Variants in PLD5 observed in about 807,000 individuals in gnomAD.
PLD5 encodes the protein phospholipase D family member 5.
In PLD5, 36 loss-of-function variants were observed where a neutral mutation model predicts 61.1. The observed-to-expected ratio is 0.59, with a 90% CI of 0.45 to 0.78. PLD5 has a LOEUF of 0.78. PLD5 is among the 30% of genes least tolerant of loss of function. The pLI is 0.00. For missense variants in PLD5, 515 were observed against 644.4 expected (o/e 0.80, Z 2.17); for synonymous variants, 243 against 242.8 (o/e 1.00, Z -0.01).
At chr1:242,094,123 C>CA (rs1558211723) in intron 9 of PLD5, among the ~76,000 whole-genome samples, 2 of 146,484 alleles carry the variant, frequency 1.4e-5, no homozygotes, top group African/African-American at 5.0e-5. Flanking sequence ...TTTCATCCAG[C>CA]TTTTTTTTTT....
chr1:242,325,935 T>G (rs1658746624), intron 2 of PLD5, among the ~76,000 whole-genome samples: 1 of 152,208 alleles, frequency 6.6e-6, no homozygotes, highest in Admixed American at 6.5e-5. Context: ...TCACCCAGCC[T>G]GTAGTGCAGT....
chr1:242,220,105 C>T lies in PLD5; in HGVS notation c.618G>A (p.Val206=). The part of the protein sequence containing the change: ...LEALKLKGAE[V]TYMNMTAYNK... ...TGTAAGCGGTCATGTTCATGTACGTCACCTCGGCTCCTAGGAGTTCAAGGA... is the reference window on the plus strand; with the variant it reads ...TGTAAGCGGTCATGTTCATGTACGTTACCTCGGCTCCTAGGAGTTCAAGGA... Residue 206 remains valine, a synonymous_variant, in exon 5 of 10, where the codon GTG becomes GTA. Transcript: ENST00000536534. The T allele has an allele frequency of 6.2e-7, 1 of 1,614,150 alleles. No homozygotes were observed. The highest frequency in any genetic ancestry group is 8.5e-7 in the Non-Finnish European group (1 of 1,180,008).
intron 4 of PLD5, 92 bp from the exon 5 acceptor site, chr1:242,220,207 A>G: frequency 6.7e-7 from 1 of 1,486,340 alleles, no homozygotes; most frequent in Non-Finnish European, 9.3e-7. Context: ...ATGGTTCACC[A>G]TTTGTCCCAA....
At chr1:242,160,872 G>A (rs928072647) in intron 5 of PLD5, among the ~76,000 whole-genome samples, 5 of 151,900 alleles carry the variant, frequency 3.3e-5, no homozygotes, top group East Asian at 1.9e-4. Context: ...GCAACAGAGT[G>A]AGAATCCATC....
chr1:242,348,266 GAAA>G (rs1660254370), intron 1 of PLD5, 24 bp from the exon 2 acceptor site: 3 of 971,330 alleles, frequency 3.1e-6, no homozygotes, highest in Admixed American at 2.6e-5. Flanking sequence ...CAAAGACAAA[GAAA>G]AGTAAGTGGT....
At chr1:242,232,824 C>G (rs984215102) in intron 4 of PLD5, among the ~76,000 whole-genome samples, 3 of 152,148 alleles carry the variant, frequency 2.0e-5, no homozygotes, top group African/African-American at 7.2e-5. Context: ...GCCTGCATGA[C>G]AGAGTGAGAC....
chr1:242,346,687 A>C (rs1427646172), intron 2 of PLD5, among the ~76,000 whole-genome samples: 2 of 152,136 alleles, frequency 1.3e-5, no homozygotes, highest in Non-Finnish European at 2.9e-5. Context: ...CAGGATGTGC[A>C]GGTTTGTTAC....
chr1:242,458,328 T>G (rs1057306374), intron 1 of PLD5, among the ~76,000 whole-genome samples: 1 of 152,278 alleles, frequency 6.6e-6, no homozygotes, highest in Non-Finnish European at 1.5e-5. Context: ...AAAGGTCATA[T>G]TACTAATGAT....
chr1:242,264,660 T>A (rs565437771), intron 4 of PLD5, among the ~76,000 whole-genome samples: 1 of 152,236 alleles, frequency 6.6e-6, no homozygotes, highest in East Asian at 1.9e-4. Flanking sequence ...GCTTGAACAT[T>A]TTCACTGGCT....
At chr1:242,174,435 T>G (rs1374092112) in intron 5 of PLD5, among the ~76,000 whole-genome samples, 3 of 152,010 alleles carry the variant, frequency 2.0e-5, no homozygotes, top group Non-Finnish European at 2.9e-5. Context: ...ATAGGAACAC[T>G]TTTACACTGT....
At chr1:242,317,490 TATAA>T (rs987822780) in intron 2 of PLD5, among the ~76,000 whole-genome samples, 3 of 145,126 alleles carry the variant, frequency 2.1e-5, no homozygotes, top group African/African-American at 7.8e-5. Flanking sequence ...TCTAGAAAAA[TATAA>T]GTCTCTTCCC....
intron 8 of PLD5, among the ~76,000 whole-genome samples, chr1:242,103,849 G>GT (rs1660857572): frequency 6.6e-6 from 1 of 152,188 alleles, no homozygotes; most frequent in African/African-American, 2.4e-5. Context: ...AACCAGTTAA[G>GT]TAGAGATCAG....
At chr1:242,228,333 G>A (rs571765629) in intron 4 of PLD5, among the ~76,000 whole-genome samples, 121 of 152,246 alleles carry the variant, frequency 7.9e-4, no homozygotes, top group Admixed American at 1.8e-3. Context: ...TATGTGCAGC[G>A]TATACATGCA....
chr1:242,294,845 A>C (rs1675560380), intron 2 of PLD5, among the ~76,000 whole-genome samples: 1 of 152,152 alleles, frequency 6.6e-6, no homozygotes, highest in African/African-American at 2.4e-5. Context: ...AAGCACAGTT[A>C]CTAAAATGCT....
At chr1:242,214,091 T>C (rs1669993851) in intron 5 of PLD5, among the ~76,000 whole-genome samples, 1 of 152,196 alleles carries the variant, frequency 6.6e-6, no homozygotes, top group Non-Finnish European at 1.5e-5. Flanking sequence ...ATGTCCTTCC[T>C]GCTGATAAAC....
intron 9 of PLD5, among the ~76,000 whole-genome samples, chr1:242,092,408 C>G (rs549070018): frequency 7.9e-5 from 12 of 152,276 alleles, no homozygotes; most frequent in African/African-American, 2.9e-4. Context: ...TGGTTAATCA[C>G]TGGTGCACCC....
chr1:242,357,909 G>A (rs563923407), intron 1 of PLD5, among the ~76,000 whole-genome samples: 64 of 152,116 alleles, frequency 4.2e-4, no homozygotes, highest in African/African-American at 1.4e-3. Flanking sequence ...TAATTCCCAC[G>A]GTCATACTTT....
chr1:242,092,907 C>T (rs1231905845), intron 9 of PLD5, among the ~76,000 whole-genome samples: 1 of 152,156 alleles, frequency 6.6e-6, no homozygotes, highest in African/African-American at 2.4e-5. Context: ...GTTTATTCCT[C>T]AGAGCCTAAG....
intron 1 of PLD5, among the ~76,000 whole-genome samples, chr1:242,510,584 G>A (rs1171956657): frequency 6.6e-6 from 1 of 152,184 alleles, no homozygotes; most frequent in East Asian, 1.9e-4. Flanking sequence ...GGTGGCTCAC[G>A]CCTGTAATCC....
Sources: allele counts gnomAD v4.1 joint callset (sites outside exome capture counted in the v4.1 genomes callset), GRCh38; gene constraint gnomAD v4.1.1; transcripts MANE v1.5; gene names NCBI Gene and HGNC (gene_info 2026-07-23, HGNC 2026-07-21).